The following MRM1 variants were observed in gnomAD, a reference collection of about 807,000 sequenced individuals.
MRM1 encodes mitochondrial rRNA methyltransferase 1, also known as rRNA methyltransferase 1, mitochondrial.
In MRM1, 24 loss-of-function variants were observed where a neutral mutation model predicts 25.0. The ratio of observed to expected loss-of-function variants is 0.96; its 90% confidence interval spans 0.69 to 1.35. The LOEUF is 1.35. Ranked by LOEUF, MRM1 falls within the 40% of genes most tolerant of loss-of-function variation. The pLI is 0.00. For missense variants in MRM1, 431 were observed against 464.1 expected (o/e 0.93, Z 0.65); for synonymous variants, 188 against 199.2 (o/e 0.94, Z 0.47).
chr17:36,617,726 T>A, the MRM1 span, among the ~76,000 whole-genome samples: 10 of 152,116 alleles, frequency 6.6e-5, no homozygotes, highest in Admixed American at 3.3e-4. Flanking sequence ...TTCCTTCTTC[T>A]CAGCAGCCTC....
At chr17:36,603,079 C>T (rs1031890553) in intron 2 of MRM1, 3 of 985,402 alleles carry the variant, frequency 3.0e-6, no homozygotes, top group African/African-American at 3.5e-5. Context: ...TTGGAAACCC[C>T]TCTCCCATCC....
chr17:36,614,451 C>T, the MRM1 span, among the ~76,000 whole-genome samples: 1 of 152,182 alleles, frequency 6.6e-6, no homozygotes, highest in South Asian at 2.1e-4. Context: ...GTCCCCCTCT[C>T]CTGAGGGTCC....
At chr17:36,616,767 G>A in the MRM1 span, among the ~76,000 whole-genome samples, 1 of 152,154 alleles carries the variant, frequency 6.6e-6, no homozygotes, top group Non-Finnish European at 1.5e-5. Flanking sequence ...GTCTTGCTCT[G>A]TTGCCCAGGC....
At chr17:36,605,927 T>C (rs879913577) in intron 2 of MRM1, among the ~76,000 whole-genome samples, 1 of 152,188 alleles carries the variant, frequency 6.6e-6, no homozygotes, top group African/African-American at 2.4e-5. Context: ...AGAGTGATTC[T>C]GTTGAAGTCA....
At chr17:36,616,444 C>T in the MRM1 span, among the ~76,000 whole-genome samples, 2 of 152,238 alleles carry the variant, frequency 1.3e-5, no homozygotes, top group African/African-American at 4.8e-5. Context: ...CTCAGCTCTG[C>T]AGAGACCCAC....
chr17:36,620,106 C>G, the MRM1 span, among the ~76,000 whole-genome samples: 1 of 152,116 alleles, frequency 6.6e-6, no homozygotes. Flanking sequence ...AACCTCTTAT[C>G]AGTTATAAGA....
the MRM1 span, among the ~76,000 whole-genome samples, chr17:36,616,312 C>A: frequency 2.6e-5 from 4 of 152,330 alleles, no homozygotes; most frequent in East Asian, 1.9e-4. Context: ...CTTGACCTTC[C>A]ACTTTCAAGC....
chr17:36,601,806 G>C lies in MRM1; in HGVS notation c.-5G>C. ...GGGCATCGAGTCCCTGGCGGGAGCT[G>C]CGCCATGGCATTGCTCTCGACCGTC... On this transcript the variant is annotated 5_prime_UTR_variant, in exon 1 of 5. Coordinates refer to ENST00000614766, the MANE Select transcript of MRM1 (RefSeq NM_024864.5). 2 of 1,532,722 alleles carry C rather than the reference G, an allele frequency of 1.3e-6. No individual in the cohort carries two copies. Among genetic ancestry groups the C allele is most frequent in the Non-Finnish European group, 1.8e-6 (2 of 1,141,528 alleles). 94.9% of individuals were successfully genotyped at this position (1,532,722 alleles called of 1,614,324 possible).
At position 36,602,765 on chromosome 17, in the gene MRM1, T is replaced by A. The variant is rs891155445; in HGVS notation, c.636+119T>A. ...CATGTTGGCACCGCTTCCTTTGGCC[T>A]TCTAAATCCCTCTGGGGATGGAAGG... On this transcript the variant is annotated intron_variant, in intron 2 of 4. Coordinates refer to ENST00000614766, the MANE Select transcript of MRM1 (RefSeq NM_024864.5). The surrounding 1 kb of genome is among the most constrained non-coding windows in gnomAD (Gnocchi z 4.1). 17 of 1,333,652 alleles carry A rather than the reference T, an allele frequency of 1.3e-5. No individual in the cohort carries two copies. The highest frequency in any genetic ancestry group is 1.8e-5 in the Non-Finnish European group (17 of 956,008). 82.6% of individuals were successfully genotyped at this position (1,333,652 alleles called of 1,614,324 possible).
downstream of MRM1, among the ~76,000 whole-genome samples, chr17:36,611,770 G>A (rs145355419): frequency 7.9e-5 from 12 of 152,214 alleles, no homozygotes; most frequent in South Asian, 1.0e-3. Context: ...GATCTCAAGC[G>A]TGCTGGCCTT....
In MRM1 at chr17:36,608,732, C is replaced by T; in HGVS notation, c.*317C>T. Reference sequence around the variant, plus strand: ...TAGACATCTGCAGAGAGGCAGGCAGCCCAGCCCAGGGGACCCGTTCCTCTT... The same window carrying T: ...TAGACATCTGCAGAGAGGCAGGCAGTCCAGCCCAGGGGACCCGTTCCTCTT... On this transcript the variant is annotated 3_prime_UTR_variant, in exon 5 of 5. Transcript: ENST00000614766. 6.0e-6 allele frequency: 2 copies of T among 332,332 alleles called. No individual in the cohort carries two copies. The highest frequency in any genetic ancestry group is 1.1e-5 in the Non-Finnish European group (2 of 183,604). The allele number at this position is 332,332 out of a possible 1,614,324, so 20.6% of individuals were successfully genotyped here. A position where few individuals can be genotyped will look rare whatever the true frequency, so the allele number is the denominator to read the frequency against.
At position 36,608,564 on chromosome 17, in the gene MRM1, T is replaced by C; in HGVS notation, c.*149T>C. 2.1e-6 allele frequency: 1 copy of C among 469,184 alleles called. No individual in the cohort carries two copies. Among genetic ancestry groups the C allele is most frequent in the Non-Finnish European group, 3.6e-6 (1 of 275,772 alleles). The allele number at this position is 469,184 out of a possible 1,614,324, so 29.1% of individuals were successfully genotyped here. A position where few individuals can be genotyped will look rare whatever the true frequency, so the allele number is the denominator to read the frequency against. On this transcript the variant is annotated 3_prime_UTR_variant, in exon 5 of 5. Coordinates refer to ENST00000614766, the MANE Select transcript of MRM1 (RefSeq NM_024864.5). ...TGGGGGGGGGGGAAGGGGACTGCGGTGGACACCAGAGGAAGCTGTTTCCTG... is the reference window on the plus strand; with the variant it reads ...TGGGGGGGGGGGAAGGGGACTGCGGCGGACACCAGAGGAAGCTGTTTCCTG...
chr17:36,614,851 A>G, the MRM1 span, among the ~76,000 whole-genome samples: 1 of 152,226 alleles, frequency 6.6e-6, no homozygotes, highest in African/African-American at 2.4e-5. Context: ...AACTGCTCTC[A>G]AAACTATGTT....
the MRM1 span, among the ~76,000 whole-genome samples, chr17:36,625,997 A>AC: frequency 8.0e-6 from 1 of 124,862 alleles, no homozygotes; most frequent in Non-Finnish European, 1.7e-5. Context: ...CCCCCCGCCG[A>AC]CCCCCCAACC....
intron 2 of MRM1, among the ~76,000 whole-genome samples, chr17:36,605,639 A>G (rs1457105112): frequency 1.3e-5 from 2 of 150,642 alleles, no homozygotes; most frequent in Non-Finnish European, 3.0e-5. Context: ...AGTTGTTGTT[A>G]TTGTTGTTGT....
intron 2 of MRM1, chr17:36,603,171 C>A (rs1299025112): frequency 4.1e-6 from 4 of 984,100 alleles, no homozygotes; most frequent in South Asian, 4.7e-5. Context: ...GACCATACCC[C>A]CCCCAACCCC....
chr17:36,607,496 G>T (rs2074940205), intron 2 of MRM1, among the ~76,000 whole-genome samples, 174 bp from the exon 3 acceptor site: 1 of 152,046 alleles, frequency 6.6e-6, no homozygotes. Context: ...GGTGGCGAGT[G>T]CCTGTAGTCC....
downstream of MRM1, among the ~76,000 whole-genome samples, chr17:36,612,075 T>C (rs186606835): frequency 2.8e-4 from 42 of 152,206 alleles, no homozygotes; most frequent in East Asian, 5.2e-3. Flanking sequence ...AAGCCCAACA[T>C]GGAATTTAGA....
At chr17:36,621,378 C>T in the MRM1 span, among the ~76,000 whole-genome samples, 49,274 of 151,962 alleles carry the variant, frequency 0.32, 9,554 homozygotes, top group African/African-American at 0.54. Context: ...CAGGGCCCCT[C>T]TCTTGTTCTG....
Sources: allele counts gnomAD v4.1 joint callset (sites outside exome capture counted in the v4.1 genomes callset), GRCh38; gene constraint gnomAD v4.1.1; non-coding constraint Gnocchi (gnomAD v3.1); transcripts MANE v1.5; gene names NCBI Gene and HGNC (gene_info 2026-07-23, HGNC 2026-07-21).